The following COL5A2 variants were observed in gnomAD, a reference collection of about 807,000 sequenced individuals.
The protein encoded by COL5A2 is collagen type V alpha 2 chain.
COL5A2 carries 23 observed loss-of-function variants against 208.2 expected under a neutral mutation model. That is an observed-to-expected ratio of 0.11 (90% confidence interval 0.08 to 0.16). The LOEUF (loss-of-function observed/expected upper bound fraction) is 0.16. Among genes scored for constraint, COL5A2 ranks in the 10% least tolerant of loss-of-function variants. The pLI is 1.00. For synonymous variants in COL5A2, 625 were observed against 628.5 expected, an observed-to-expected ratio of 0.99 and a Z score of 0.08; for missense variants, 1,590 against 1,956.4, an observed-to-expected ratio of 0.81 and a Z score of 3.53.
chr2:189,121,736 CAAAAAAAA>C (rs3084490), intron 1 of COL5A2, among the ~76,000 whole-genome samples: 1 of 77,700 alleles, frequency 1.3e-5, no homozygotes, highest in African/African-American at 4.9e-5. Flanking sequence ...GACTCCGTCT[CAAAAAAAA>C]AAAAAAAAAA....
the COL5A2 span, among the ~76,000 whole-genome samples, chr2:189,269,930 C>T: frequency 5.9e-5 from 9 of 152,160 alleles, no homozygotes; most frequent in African/African-American, 2.2e-4. Flanking sequence ...TTGGTCTATT[C>T]AGGGATTCAA....
chr2:189,361,443 G>T, the COL5A2 span, among the ~76,000 whole-genome samples: 4 of 151,572 alleles, frequency 2.6e-5, no homozygotes, highest in African/African-American at 7.3e-5. Flanking sequence ...CTCTTTCTTG[G>T]TTTCCATTTG....
At chr2:189,101,246 T>C (rs1032934209) in intron 3 of COL5A2, among the ~76,000 whole-genome samples, 2 of 152,092 alleles carry the variant, frequency 1.3e-5, no homozygotes, top group Non-Finnish European at 2.9e-5. Flanking sequence ...TTATTTCTCC[T>C]TTCATATATA....
chr2:189,194,922 C>G (rs1341279209), intron 1 of COL5A2, among the ~76,000 whole-genome samples: 1 of 152,092 alleles, frequency 6.6e-6, no homozygotes, highest in African/African-American at 2.4e-5. Flanking sequence ...GTATGTTGAA[C>G]AAGCCTTGCA....
At position 189,173,250 on chromosome 2, in the gene COL5A2, A is replaced by G. The variant is rs529040272; in HGVS notation, c.97+6258T>C. 1.2e-4 allele frequency among the ~76,000 whole-genome samples: 18 copies of G among 152,222 alleles called. No individual in the cohort carries two copies. In the East Asian group the frequency reaches 3.5e-3, roughly 29 times the overall value. On this transcript the variant is annotated intron_variant, in intron 1 of 53. Coordinates refer to ENST00000374866, the MANE Select transcript of COL5A2 (RefSeq NM_000393.5). ...CAGCCTCCCAAACTGCTGAGATTACAGGAGTGAGCCACACACCCAGCCTCT... is the reference window on the plus strand; with the variant it reads ...CAGCCTCCCAAACTGCTGAGATTACGGGAGTGAGCCACACACCCAGCCTCT...
At chr2:189,287,887 T>C in the COL5A2 span, among the ~76,000 whole-genome samples, 1 of 152,322 alleles carries the variant, frequency 6.6e-6, no homozygotes, top group East Asian at 1.9e-4. Context: ...GAATGTTAAA[T>C]GTAATATTTA....
At chr2:189,292,951 G>A in the COL5A2 span, among the ~76,000 whole-genome samples, 3 of 152,158 alleles carry the variant, frequency 2.0e-5, no homozygotes, top group Non-Finnish European at 4.4e-5. Flanking sequence ...CATGTCCTTT[G>A]TAGGGACATG....
intron 1 of COL5A2, among the ~76,000 whole-genome samples, chr2:189,195,141 T>C (rs1188451325): frequency 3.3e-5 from 5 of 152,196 alleles, no homozygotes; most frequent in Admixed American, 3.3e-4. Flanking sequence ...ACAAAATCAA[T>C]GTGCAAAAAT....
chr2:189,038,949 A>G (rs921260172), intron 51 of COL5A2, among the ~76,000 whole-genome samples: 12 of 152,086 alleles, frequency 7.9e-5, no homozygotes, highest in African/African-American at 2.9e-4. Flanking sequence ...TCGGCCTCCC[A>G]AAGTGCTGGG....
At chr2:189,398,307 G>T in the COL5A2 span, among the ~76,000 whole-genome samples, 8 of 152,048 alleles carry the variant, frequency 5.3e-5, no homozygotes, top group African/African-American at 1.9e-4. Context: ...GATAATGTTT[G>T]CTATTGCTCA....
chr2:189,200,469 G>T (rs1218576575), intron 1 of COL5A2, among the ~76,000 whole-genome samples: 1 of 148,304 alleles, frequency 6.7e-6, no homozygotes, highest in Non-Finnish European at 1.5e-5. Flanking sequence ...GAAAGTTTAG[G>T]TTATAGGGTA....
the COL5A2 span, among the ~76,000 whole-genome samples, chr2:189,412,728 A>G: frequency 6.6e-6 from 1 of 152,212 alleles, no homozygotes; most frequent in African/African-American, 2.4e-5. Context: ...AATTGATAGT[A>G]AACAGGAGCC....
At chr2:189,042,676 G>C (rs1165141530) in intron 49 of COL5A2, 44 bp downstream of exon 49, 1 of 1,555,800 alleles carries the variant, frequency 6.4e-7, no homozygotes, top group South Asian at 1.1e-5. Flanking sequence ...ATCAACAAAG[G>C]CATTATTATT....
chr2:189,326,729 G>C, the COL5A2 span, among the ~76,000 whole-genome samples: 3 of 150,052 alleles, frequency 2.0e-5, no homozygotes, highest in African/African-American at 7.4e-5. Flanking sequence ...GGAGTGGGGG[G>C]AGTTCACCCA....
chr2:189,347,240 A>G, the COL5A2 span, among the ~76,000 whole-genome samples: 1 of 152,338 alleles, frequency 6.6e-6, no homozygotes, highest in African/African-American at 2.4e-5. Context: ...ATTGTAGTTA[A>G]TAGCACAAAA....
At chr2:189,191,163 C>CAAAAAAAAAAAA (rs1553526772) in intron 1 of COL5A2, among the ~76,000 whole-genome samples, 5 of 72,304 alleles carry the variant, frequency 6.9e-5, no homozygotes, top group East Asian at 6.0e-4. Context: ...AAAAAACAAA[C>CAAAAAAAAAAAA]AAACAACAAA....
chr2:189,112,821 A>G (rs1687310636), intron 1 of COL5A2, among the ~76,000 whole-genome samples: 1 of 152,234 alleles, frequency 6.6e-6, no homozygotes, highest in Non-Finnish European at 1.5e-5. Context: ...CATCAAATAA[A>G]CAGTGTGACT....
intron 42 of COL5A2, 70 bp from the exon 43 acceptor site, chr2:189,050,746 G>A (rs1261670736): frequency 7.7e-7 from 1 of 1,306,074 alleles, no homozygotes; most frequent in African/African-American, 1.5e-5. Flanking sequence ...TTTACAATAA[G>A]TTGGGTACAG....
At chr2:189,381,792 C>T in the COL5A2 span, among the ~76,000 whole-genome samples, 1 of 151,970 alleles carries the variant, frequency 6.6e-6, no homozygotes, top group South Asian at 2.1e-4. Flanking sequence ...TGTAAGCTGA[C>T]ATCTCAAGTT....
Sources: gnomAD v4.1 joint callset for allele counts (sites outside exome capture counted in the v4.1 genomes callset) on GRCh38, gnomAD v4.1.1 for gene constraint, MANE v1.5 for transcripts, NCBI Gene and HGNC (gene_info 2026-07-23, HGNC 2026-07-21) for gene names.